AGMO: variants seen among roughly 807,000 people sequenced by gnomAD.
AGMO encodes the protein glyceryl-ether monooxygenase.
Under a neutral mutation model 60.2 loss-of-function variants are expected in AGMO, and 75 were observed. The observed-to-expected ratio is 1.25, with a 90% CI of 1.03 to 1.51. AGMO has a LOEUF of 1.51. Among genes scored for constraint, AGMO ranks in the 40% most tolerant of loss-of-function variants. The probability of loss-of-function intolerance (pLI) is 0.00; values close to 1 mark genes in which losing one functional copy is unlikely to be tolerated. For missense variants in AGMO, 763 were observed against 525.5 expected (o/e 1.45, Z -4.42); for synonymous variants, 261 against 177.1 (o/e 1.47, Z -3.76).
At chr7:15,148,832 A>G in the AGMO span, among the ~76,000 whole-genome samples, 2 of 152,164 alleles carry the variant, frequency 1.3e-5, no homozygotes, top group Non-Finnish European at 2.9e-5. Flanking sequence ...TGGGGAGTAT[A>G]TACCCAGGAA....
At chr7:15,218,478 G>T (rs1309061882) in intron 12 of AGMO, among the ~76,000 whole-genome samples, 1 of 151,568 alleles carries the variant, frequency 6.6e-6, no homozygotes, top group Non-Finnish European at 1.5e-5. Flanking sequence ...TGATTGCAAT[G>T]GACAGGAAGG....
intron 12 of AGMO, among the ~76,000 whole-genome samples, chr7:15,245,256 T>C (rs1464807535): frequency 1.3e-5 from 2 of 152,162 alleles, no homozygotes; most frequent in African/African-American, 4.8e-5. Flanking sequence ...CTCTACCAGA[T>C]TCCCAATGTC....
the AGMO span, among the ~76,000 whole-genome samples, chr7:15,177,617 T>C: frequency 4.6e-5 from 7 of 152,158 alleles, no homozygotes; most frequent in Non-Finnish European, 8.8e-5. Context: ...GAAGACTTTA[T>C]TCAACCTCTG....
At chr7:15,320,274 A>G (rs1781068362) in intron 12 of AGMO, among the ~76,000 whole-genome samples, 1 of 151,764 alleles carries the variant, frequency 6.6e-6, no homozygotes, top group African/African-American at 2.4e-5. Context: ...AAATATACAC[A>G]TAAAATAAAT....
chr7:15,378,993 C>T (rs1448654447), intron 10 of AGMO, among the ~76,000 whole-genome samples: 2 of 151,938 alleles, frequency 1.3e-5, no homozygotes, highest in African/African-American at 4.8e-5. Flanking sequence ...AACTGAATAA[C>T]CTGCTCCTGA....
chr7:15,529,648 T>A (rs28460660), intron 3 of AGMO, among the ~76,000 whole-genome samples: 1 of 6,064 alleles, frequency 1.6e-4, no homozygotes, highest in African/African-American at 1.0e-3. Flanking sequence ...ATATATATAC[T>A]ATATATTCTA....
intron 10 of AGMO, among the ~76,000 whole-genome samples, chr7:15,379,500 A>G (rs1371157677): frequency 6.6e-6 from 1 of 152,082 alleles, no homozygotes; most frequent in East Asian, 1.9e-4. Flanking sequence ...CACATACACT[A>G]GAAAATCTAG....
intron 3 of AGMO, among the ~76,000 whole-genome samples, chr7:15,537,285 A>G (rs1359105061): frequency 6.6e-6 from 1 of 152,130 alleles, no homozygotes; most frequent in Admixed American, 6.6e-5. Flanking sequence ...AATCTATCTC[A>G]GAGTGGTTAA....
the AGMO span, among the ~76,000 whole-genome samples, chr7:15,190,124 T>TGC: frequency 2.7e-3 from 4 of 1,482 alleles, no homozygotes; most frequent in African/African-American, 9.9e-3. Flanking sequence ...TATATATATA[T>TGC]ATTTATATAT....
At chr7:15,542,573 G>C (rs1366222712) in intron 3 of AGMO, among the ~76,000 whole-genome samples, 1 of 152,108 alleles carries the variant, frequency 6.6e-6, no homozygotes, top group East Asian at 1.9e-4. Flanking sequence ...GGGTAGTGCG[G>C]CATGAGGAAG....
intron 3 of AGMO, 25 bp downstream of exon 3, chr7:15,544,747 C>T: frequency 6.5e-7 from 1 of 1,536,742 alleles, no homozygotes; most frequent in South Asian, 1.3e-5. Context: ...CATAAGTTAA[C>T]AAAAAGTCCT....
intron 3 of AGMO, among the ~76,000 whole-genome samples, chr7:15,476,601 T>G (rs1782599688): frequency 1.3e-5 from 2 of 152,124 alleles, no homozygotes. Context: ...TTTCTTTTTC[T>G]TTAGTGAATA....
chr7:15,502,477 T>C (rs901398526), intron 3 of AGMO, among the ~76,000 whole-genome samples: 2 of 151,972 alleles, frequency 1.3e-5, no homozygotes, highest in Admixed American at 6.6e-5. Flanking sequence ...GTCCTCAGCA[T>C]ATGGGGTCAG....
intron 12 of AGMO, among the ~76,000 whole-genome samples, chr7:15,267,241 CTCTT>C (rs1459717899): frequency 2.7e-5 from 4 of 148,910 alleles, no homozygotes; most frequent in Non-Finnish European, 6.0e-5. Context: ...CCAGTGATTT[CTCTT>C]TGTTTCTCAG....
chr7:15,164,075 G>A, the AGMO span, among the ~76,000 whole-genome samples: 1 of 151,984 alleles, frequency 6.6e-6, no homozygotes, highest in African/African-American at 2.4e-5. Flanking sequence ...ACAGAATAGA[G>A]AACCCAGAAA....
chr7:15,529,116 A>T (rs1784207524), intron 3 of AGMO, among the ~76,000 whole-genome samples: 1 of 152,070 alleles, frequency 6.6e-6, no homozygotes, highest in Non-Finnish European at 1.5e-5. Context: ...TAATTGGGGG[A>T]ATTCTTAAAA....
At chr7:15,216,878 A>G (rs1781757594) in intron 12 of AGMO, among the ~76,000 whole-genome samples, 1 of 149,510 alleles carries the variant, frequency 6.7e-6, no homozygotes, top group African/African-American at 2.5e-5. Flanking sequence ...ACATGCACAC[A>G]TGCCCAATCC....
intron 12 of AGMO, among the ~76,000 whole-genome samples, chr7:15,287,597 T>G (rs1707542145): frequency 6.6e-6 from 1 of 152,216 alleles, no homozygotes; most frequent in South Asian, 2.1e-4. Context: ...ATATTTGTAG[T>G]ATGTGTACTA....
the AGMO span, among the ~76,000 whole-genome samples, chr7:15,191,322 A>G: frequency 6.6e-6 from 1 of 152,290 alleles, no homozygotes; most frequent in Admixed American, 6.5e-5. Flanking sequence ...CTTTTCCTCT[A>G]GAACAGGGAT....
Sources: allele counts gnomAD v4.1 joint callset (sites outside exome capture counted in the v4.1 genomes callset), GRCh38; gene constraint gnomAD v4.1.1; transcripts MANE v1.5; gene names NCBI Gene and HGNC (gene_info 2026-07-23, HGNC 2026-07-21).